SAP30BP: variants seen among roughly 807,000 people sequenced by gnomAD.
SAP30BP encodes SAP30-binding protein.
A neutral mutation model predicts 46.3 loss-of-function variants in SAP30BP; 31 were observed. That is an observed-to-expected ratio of 0.67 (90% CI 0.50 to 0.90). The LOEUF (loss-of-function observed/expected upper bound fraction) is 0.90. Among genes scored for constraint, SAP30BP ranks in the 40% least tolerant of loss-of-function variants. The pLI, the probability that SAP30BP is intolerant of heterozygous loss-of-function variation, is 0.00. For missense variants in SAP30BP, 312 were observed against 391.0 expected, an observed-to-expected ratio of 0.80 and a Z score of 1.70; for synonymous variants, 169 against 144.2, an observed-to-expected ratio of 1.17 and a Z score of -1.23.
At chr17:75,703,465 C>T (rs982697763) in intron 7 of SAP30BP, 94 bp downstream of exon 7, 31 of 1,063,372 alleles carry the variant, frequency 2.9e-5, no homozygotes, top group Admixed American at 7.8e-5. Flanking sequence ...GAAAGGTCCA[C>T]GTGGTGGCAC....
At chr17:75,686,688 T>C (rs2060162475) in intron 3 of SAP30BP, among the ~76,000 whole-genome samples, 1 of 152,168 alleles carries the variant, frequency 6.6e-6, no homozygotes, top group African/African-American at 2.4e-5. Flanking sequence ...AGGCAGGCAG[T>C]GTGCCCACGG....
At chr17:75,675,546 C>T (rs1379067178) in intron 3 of SAP30BP, among the ~76,000 whole-genome samples, 1 of 152,130 alleles carries the variant, frequency 6.6e-6, no homozygotes, top group Non-Finnish European at 1.5e-5. Context: ...TCAGAGTTTT[C>T]ATTTTGGTTT....
At position 75,707,146 on chromosome 17, in the gene SAP30BP, G is replaced by A. The variant is rs1340671640; in HGVS notation, c.*625G>A. On this transcript the variant is annotated 3_prime_UTR_variant, in exon 11 of 11. Coordinates refer to ENST00000584667, the MANE Select transcript of SAP30BP (RefSeq NM_013260.8). ...TCAAGCCAGTTTCCAGAAGGGCTGG[G>A]GTGAGATCCTGACCTGTGCAGAGAG... The A allele has an allele frequency of 6.4e-6, 1 of 155,176 alleles. No individual in the cohort carries two copies. Among genetic ancestry groups the A allele is most frequent in the Non-Finnish European group, 1.4e-5 (1 of 69,936 alleles). 9.6% of individuals were successfully genotyped at this position (155,176 alleles called of 1,614,324 possible). A position where few individuals can be genotyped will look rare whatever the true frequency, so the allele number is the denominator to read the frequency against.
chr17:75,677,514 C>T (rs2060009933), intron 3 of SAP30BP, among the ~76,000 whole-genome samples: 1 of 150,040 alleles, frequency 6.7e-6, no homozygotes, highest in Non-Finnish European at 1.5e-5. Context: ...CTCACTGCAG[C>T]CTTCACCTCC....
chr17:75,679,648 A>C (rs985656845), intron 3 of SAP30BP: 5 of 152,236 alleles, frequency 3.3e-5, no homozygotes, highest in African/African-American at 1.2e-4. Flanking sequence ...AGTTTGCCCC[A>C]AACTAGCGAA....
intron 3 of SAP30BP, among the ~76,000 whole-genome samples, chr17:75,688,343 G>T (rs1023409430): frequency 1.3e-5 from 2 of 152,176 alleles, no homozygotes; most frequent in Non-Finnish European, 1.5e-5. Context: ...GGTTTGAAAG[G>T]AGTCATTTTA....
intron 6 of SAP30BP, chr17:75,702,995 G>A (rs2060437092): frequency 2.4e-6 from 1 of 410,040 alleles, no homozygotes; most frequent in South Asian, 4.0e-5. Flanking sequence ...TCCATTGAAT[G>A]TTCAAGCTAG....
chr17:75,703,119 T>C (rs982689487), intron 6 of SAP30BP, 192 bp from the exon 7 acceptor site: 23 of 594,848 alleles, frequency 3.9e-5, no homozygotes, highest in African/African-American at 3.7e-4. Flanking sequence ...CTTGACCCTG[T>C]GCTCCTCCCG....
chr17:75,684,247 T>G (rs2060125366), intron 3 of SAP30BP, among the ~76,000 whole-genome samples: 1 of 152,230 alleles, frequency 6.6e-6, no homozygotes, highest in Non-Finnish European at 1.5e-5. Flanking sequence ...AATAATAATG[T>G]CTACCTCATA....
intron 2 of SAP30BP, among the ~76,000 whole-genome samples, chr17:75,671,379 C>G (rs1031368371): frequency 6.6e-6 from 1 of 152,162 alleles, no homozygotes; most frequent in Admixed American, 6.5e-5. Context: ...AGGTCCGAGT[C>G]TGATGTACAT....
chr17:75,704,083 A>G (rs2060457809), intron 8 of SAP30BP, among the ~76,000 whole-genome samples: 1 of 152,174 alleles, frequency 6.6e-6, no homozygotes, highest in African/African-American at 2.4e-5. Context: ...GCCAGCATCG[A>G]TGAGTGTTGG....
At chr17:75,690,073 A>T (rs1389609355) in intron 3 of SAP30BP, among the ~76,000 whole-genome samples, 1 of 152,212 alleles carries the variant, frequency 6.6e-6, no homozygotes, top group Non-Finnish European at 1.5e-5. Context: ...TTACACAATA[A>T]TATATCCATG....
intron 3 of SAP30BP, among the ~76,000 whole-genome samples, chr17:75,674,697 GTTTTTTTTTTT>G (rs66721865): frequency 2.4e-4 from 15 of 61,502 alleles, no homozygotes; most frequent in Non-Finnish European, 2.0e-4. Flanking sequence ...TTTGTTTTTT[GTTTTTTTTTTT>G]TTTTTTTTTT....
At position 75,706,336 on chromosome 17, in the gene SAP30BP, C is replaced by G; in HGVS notation, c.746-4C>G. 1 of 1,612,068 alleles carries G rather than the reference C, an allele frequency of 6.2e-7. No individual in the cohort carries two copies. The highest frequency in any genetic ancestry group is 8.5e-7 in the Non-Finnish European group (1 of 1,179,436). On this transcript the variant is annotated splice_region_variant and splice_polypyrimidine_tract_variant and intron_variant, in intron 10 of 10. Transcript: ENST00000584667. The surrounding 1 kb of genome is among the most constrained non-coding windows in gnomAD (Gnocchi z 4.6). ...CGTGATCCTGATTTCTGCTTTATCT[C>G]CAGATGCTCAGAAGAGAAAGAGCAA... is the stretch of plus-strand genomic sequence containing the variant.
chr17:75,672,393 T>C (rs1027029626), intron 3 of SAP30BP, among the ~76,000 whole-genome samples: 1 of 152,210 alleles, frequency 6.6e-6, no homozygotes. Context: ...ATGGTCTTTT[T>C]CGGAACAACA....
chr17:75,694,570 T>G (rs1396607652), intron 4 of SAP30BP, among the ~76,000 whole-genome samples: 1 of 152,196 alleles, frequency 6.6e-6, no homozygotes, highest in Admixed American at 6.5e-5. Context: ...GGTGCAACAT[T>G]TGGCTTTGAG....
chr17:75,699,505 T>TA (rs56285842), intron 4 of SAP30BP, among the ~76,000 whole-genome samples: 9,534 of 133,926 alleles, frequency 0.071, 338 homozygotes, highest in African/African-American at 0.099. Flanking sequence ...CCCGTCTCTT[T>TA]AAAAAAAAAA....
In SAP30BP at chr17:75,697,066, C is replaced by T. The variant is rs888319297; in HGVS notation, c.308-2717C>T. ...TGCTGGGATTACAGGTGTGAGCCAC[C>T]GCGCCCGGCCCCTCCTCTTACACTG... is the stretch of plus-strand genomic sequence containing the variant. On this transcript the variant is annotated intron_variant, in intron 4 of 10. Coordinates refer to ENST00000584667, the MANE Select transcript of SAP30BP (RefSeq NM_013260.8). 1.2e-4 allele frequency among the ~76,000 whole-genome samples: 18 copies of T among 152,022 alleles called. 1 individual carries two copies. Among genetic ancestry groups the T allele is most frequent in the Non-Finnish European group, 2.6e-4 (18 of 67,998 alleles).
At position 75,667,358 on chromosome 17, in the gene SAP30BP, G is replaced by A. The variant is rs1421053956; in HGVS notation, c.-15G>A. ...GAGTCATAGGAGTGAGCCACGCCCG[G>A]GCTGTGGGAATAAGATGGCGGGGAA... On this transcript the variant is annotated 5_prime_UTR_variant, in exon 1 of 11. Transcript: ENST00000584667. 6.2e-7 allele frequency: 1 copy of A among 1,613,950 alleles called. No homozygotes were observed. Among genetic ancestry groups the A allele is most frequent in the Admixed American group, 1.7e-5 (1 of 60,026 alleles).
Sources: gnomAD v4.1 joint callset for allele counts (sites outside exome capture counted in the v4.1 genomes callset) on GRCh38, gnomAD v4.1.1 for gene constraint, Gnocchi (gnomAD v3.1) non-coding constraint, MANE v1.5 for transcripts, NCBI Gene and HGNC (gene_info 2026-07-23, HGNC 2026-07-21) for gene names.